EVC2: variants seen among roughly 807,000 people sequenced by gnomAD.
EVC2 encodes EvC ciliary complex subunit 2.
In EVC2, 148 loss-of-function variants were observed where a neutral mutation model predicts 149.3. The ratio of observed to expected loss-of-function variants is 0.99; its 90% CI spans 0.87 to 1.14. EVC2 has a LOEUF of 1.14. Among genes scored for constraint, EVC2 ranks in the 50% most tolerant of loss-of-function variants. EVC2 has a pLI of 0.00. For missense variants in EVC2, 1,854 were observed against 1,627.3 expected, an observed-to-expected ratio of 1.14 and a Z score of -2.40; for synonymous variants, 776 against 649.9, an observed-to-expected ratio of 1.19 and a Z score of -2.95.
chr4:5,698,048 G>C (rs536153768), intron 1 of EVC2, among the ~76,000 whole-genome samples: 1 of 152,234 alleles, frequency 6.6e-6, no homozygotes, highest in East Asian at 1.9e-4. Context: ...ACCGCGTCCG[G>C]CCAAGGACCT....
Position 5,622,385 on chromosome 4 carries a change from G to T in EVC2, c.2501+152C>A. Reference sequence around the variant, plus strand: ...GTGACATTCGAGGTCCTCCCCCCGGGGCGTTGAGTTTATATGACTAATTAA... The same window carrying T: ...GTGACATTCGAGGTCCTCCCCCCGGTGCGTTGAGTTTATATGACTAATTAA... On this transcript the variant is annotated intron_variant, in intron 14 of 21. Transcript: ENST00000344408. This position sits in a 1 kb window ranked among gnomAD's most constrained non-coding sequence, Gnocchi z 5.8. 1 of 875,886 alleles carries T rather than the reference G, an allele frequency of 1.1e-6. No homozygotes were observed. Among genetic ancestry groups the T allele is most frequent in the Non-Finnish European group, 1.8e-6 (1 of 545,660 alleles). The allele number at this position is 875,886 out of a possible 1,614,324, so 54.3% of individuals were successfully genotyped here. A position where few individuals can be genotyped will look rare whatever the true frequency, so the allele number is the denominator to read the frequency against.
chr4:5,564,375 T>G (rs1461163582), intron 21 of EVC2, among the ~76,000 whole-genome samples: 1 of 152,240 alleles, frequency 6.6e-6, no homozygotes, highest in Admixed American at 6.5e-5. Flanking sequence ...TTTAATTTTC[T>G]TTTTCTAGGA....
chr4:5,530,191 T>C, the EVC2 span, among the ~76,000 whole-genome samples: 2 of 152,188 alleles, frequency 1.3e-5, no homozygotes, highest in South Asian at 4.1e-4. Flanking sequence ...CATAAGTCCT[T>C]ACCTGTAGGG....
intron 10 of EVC2, among the ~76,000 whole-genome samples, chr4:5,639,361 A>G (rs1717141086): frequency 6.6e-6 from 1 of 152,238 alleles, no homozygotes; most frequent in South Asian, 2.1e-4. Context: ...TTGATTTGGT[A>G]TATTCAGGAA....
At chr4:5,543,182 G>C in exon 22 of EVC2, 4 of 1,289,782 alleles carry the variant, frequency 3.1e-6, no homozygotes, top group Non-Finnish European at 4.0e-6. Context: ...TCCCTACCAG[G>C]TACTGCCAGA....
At chr4:5,597,336 A>G (rs938027814) in intron 16 of EVC2, among the ~76,000 whole-genome samples, 1 of 152,230 alleles carries the variant, frequency 6.6e-6, no homozygotes, top group African/African-American at 2.4e-5. Context: ...CAGGCAAACC[A>G]AAGCCAGCAG....
At position 5,677,637 on chromosome 4, in the gene EVC2, A is replaced by G. The variant is rs1244854828; in HGVS notation, c.870+3623T>C. Among the ~76,000 whole-genome samples the G allele has an allele frequency of 6.6e-6, 1 of 152,190 alleles. No individual in the cohort carries two copies. Among genetic ancestry groups the G allele is most frequent in the South Asian group, 2.1e-4 (1 of 4,828 alleles). Reference sequence around the variant, plus strand: ...GGGAAGAGCTCAGAAATACCCTTACATGAGCATTCTCTGCCTTTTATTACA... The same window carrying G: ...GGGAAGAGCTCAGAAATACCCTTACGTGAGCATTCTCTGCCTTTTATTACA... On this transcript the variant is annotated intron_variant, in intron 7 of 21. Coordinates refer to ENST00000344408, the MANE Select transcript of EVC2 (RefSeq NM_147127.5). The surrounding 1 kb of genome is among the most constrained non-coding windows in gnomAD (Gnocchi z 4.3).
At chr4:5,583,445 T>C (rs2108786638) in intron 17 of EVC2, among the ~76,000 whole-genome samples, 1 of 152,354 alleles carries the variant, frequency 6.6e-6, no homozygotes, top group Non-Finnish European at 1.5e-5. Flanking sequence ...CCTTAAACTT[T>C]GGCAATGCTC....
chr4:5,548,950 CTTCCTTCCTTCCTTCCTTCCTTCT>C lies in EVC2; in HGVS notation c.3420-5762_3420-5739del, dbSNP rs1446487431. Reference sequence around the variant, plus strand: ...TAAAACAAGAGCCCTTCCTTCCTTCCTTCCTTCCTTCCTTCCTTCCTTCTTTCTTTCTTTCTTCCGTCCCTCCCT... The same window carrying C: ...TAAAACAAGAGCCCTTCCTTCCTTCCTTCTTTCTTTCTTCCGTCCCTCCCT... On this transcript the variant is annotated intron_variant and NMD_transcript_variant, in intron 21 of 22. Transcript: ENST00000475313. Among the ~76,000 whole-genome samples, 9 of 6,618 alleles carry C rather than the reference CTTCCTTCCTTCCTTCCTTCCTTCT, an allele frequency of 1.4e-3. 1 individual carries two copies. The South Asian group carries it at 0.3, about 221-fold the overall frequency. 4.3% of individuals were successfully genotyped at this position (6,618 alleles called of 152,430 possible). A position where few individuals can be genotyped will look rare whatever the true frequency, so the allele number is the denominator to read the frequency against.
In EVC2 at chr4:5,618,248, C is replaced by T. The variant is rs1327677294; in HGVS notation, c.2706+230G>A. ...CAGCTGCTGGTGGATGGTGCAACAG[C>T]CCAGGCAACAGGATCAGGGCACAGC... is the stretch of plus-strand genomic sequence containing the variant. On this transcript the variant is annotated intron_variant, in intron 15 of 21. Coordinates refer to ENST00000344408, the MANE Select transcript of EVC2 (RefSeq NM_147127.5). The surrounding 1 kb of genome is among the most constrained non-coding windows in gnomAD (Gnocchi z 4.4). Among the ~76,000 whole-genome samples, 1 of 152,154 alleles carries T rather than the reference C, an allele frequency of 6.6e-6. No individual in the cohort carries two copies. The highest frequency in any genetic ancestry group is 1.5e-5 in the Non-Finnish European group (1 of 68,028).
Position 5,637,544 on chromosome 4 carries a change from G to A in EVC2, c.1470+2970C>T, listed in dbSNP as rs372610196. ...TATTGTTACACATCGTATTTTTTAA[G>A]AGTATTTAATAAAATCAGCAAATGT... On this transcript the variant is annotated intron_variant, in intron 10 of 21. Transcript: ENST00000344408. The surrounding 1 kb of genome is among the most constrained non-coding windows in gnomAD (Gnocchi z 4.4). 5.3e-5 allele frequency among the ~76,000 whole-genome samples: 8 copies of A among 152,200 alleles called. No individual in the cohort carries two copies. Among genetic ancestry groups the A allele is most frequent in the African/African-American group, 1.9e-4 (8 of 41,444 alleles).
At chr4:5,617,625 A>G (rs1463637622) in intron 15 of EVC2, among the ~76,000 whole-genome samples, 1 of 152,228 alleles carries the variant, frequency 6.6e-6, no homozygotes, top group Non-Finnish European at 1.5e-5. Context: ...AGCATGTGAT[A>G]AAGAATGCCT....
chr4:5,678,281 G>A (rs927475173), intron 7 of EVC2, among the ~76,000 whole-genome samples: 2 of 152,200 alleles, frequency 1.3e-5, no homozygotes, highest in African/African-American at 2.4e-5. Flanking sequence ...AGCCCCCAGT[G>A]AAAATTCTGG....
chr4:5,653,259 T>C (rs558936760), intron 9 of EVC2, among the ~76,000 whole-genome samples: 7 of 152,342 alleles, frequency 4.6e-5, no homozygotes, highest in African/African-American at 1.7e-4. Context: ...CAAGGAGTTA[T>C]GACTTCAACA....
intron 9 of EVC2, among the ~76,000 whole-genome samples, chr4:5,650,543 A>G (rs1718028169): frequency 6.7e-6 from 1 of 148,400 alleles, no homozygotes; most frequent in South Asian, 2.2e-4. Flanking sequence ...CCTACATCAA[A>G]CGAAAGTCAC....
chr4:5,570,441 A>G (rs918097399), intron 19 of EVC2, among the ~76,000 whole-genome samples: 1 of 152,182 alleles, frequency 6.6e-6, no homozygotes, highest in Non-Finnish European at 1.5e-5. Flanking sequence ...AAAATTGGTG[A>G]CACAAAAAGC....
rs537460532 is a variant in EVC2, at chr4:5,568,409, C to T, written c.3557+35G>A. The stretch of plus-strand genomic sequence containing the variant: ...TCATGGGGACCCTTGTGGACAGGGA[C>T]GTGCCCCGGGAGGCAGCCCCTCCAC... On this transcript the variant is annotated intron_variant, in intron 20 of 21. Coordinates refer to ENST00000344408, the MANE Select transcript of EVC2 (RefSeq NM_147127.5). 1.5e-5 allele frequency: 23 copies of T among 1,535,092 alleles called. No homozygotes were observed. The African/African-American group carries it at 1.5e-4, about 10-fold the overall frequency.
chr4:5,703,212 T>C (rs551750067), intron 1 of EVC2, among the ~76,000 whole-genome samples: 6 of 152,232 alleles, frequency 3.9e-5, no homozygotes, highest in African/African-American at 9.6e-5. Flanking sequence ...CAAGAACCTA[T>C]TGATGTTCCG....
chr4:5,698,394 A>G (rs1253538428), intron 1 of EVC2, among the ~76,000 whole-genome samples: 1 of 151,962 alleles, frequency 6.6e-6, no homozygotes, highest in Non-Finnish European at 1.5e-5. Context: ...CCATTTATTC[A>G]CTGTGTGTCC....
Sources: gnomAD v4.1 joint callset for allele counts (sites outside exome capture counted in the v4.1 genomes callset) on GRCh38, gnomAD v4.1.1 for gene constraint, Gnocchi (gnomAD v3.1) non-coding constraint, MANE v1.5 for transcripts, NCBI Gene and HGNC (gene_info 2026-07-23, HGNC 2026-07-21) for gene names.